The following UNC80 variants were observed in gnomAD, a reference collection of about 807,000 sequenced individuals.
The protein encoded by UNC80 is unc-80 subunit of NALCN channel complex.
A neutral mutation model predicts 384.6 loss-of-function variants in UNC80; 164 were observed. The ratio of observed to expected loss-of-function variants is 0.43; its 90% CI spans 0.38 to 0.49. UNC80 has a LOEUF of 0.49. Among genes scored for constraint, UNC80 ranks in the 20% least tolerant of loss-of-function variants. The pLI is 0.00. For synonymous variants in UNC80, 1,486 were observed against 1,527.8 expected (o/e 0.97, Z 0.64); for missense variants, 3,330 against 4,143.0 (o/e 0.80, Z 5.39).
intron 28 of UNC80, among the ~76,000 whole-genome samples, chr2:209,897,057 T>TC (rs1174668908): frequency 1.3e-5 from 2 of 152,064 alleles, no homozygotes; most frequent in African/African-American, 4.8e-5. Context: ...CCTGGAAAAG[T>TC]CAGATGAGCA....
At chr2:209,946,001 A>G (rs2091898423) in intron 47 of UNC80, 58 bp downstream of exon 47, 2 of 1,153,664 alleles carry the variant, frequency 1.7e-6, no homozygotes, top group Admixed American at 4.1e-5. Context: ...GAGAAAATAA[A>G]ATTGAATGAA....
At chr2:209,979,066 T>C (rs2093088179) in intron 59 of UNC80, among the ~76,000 whole-genome samples, 1 of 152,104 alleles carries the variant, frequency 6.6e-6, no homozygotes, top group South Asian at 2.1e-4. Context: ...CTGGCCAACA[T>C]GATGAAATCC....
rs192242889 is a variant in UNC80, at chr2:209,888,125, C to A, written c.4141C>A (p.Pro1381Thr). The change falls in exon 26 of 65, where the codon CCC becomes ACC. Residue 1381 changes from proline (P) to threonine (T), a missense_variant. Transcript: ENST00000673920. ...DLESCRLRLDPELDRHRYERK... is the reference protein window; with the variant it reads ...DLESCRLRLDTELDRHRYERK... ...GGAGAGCTGCAGACTTCGTTTGGAT[C>A]CCGAGTTGGACCGGCACAGATATGA... 6 of 1,551,674 alleles carry A rather than the reference C, an allele frequency of 3.9e-6. No individual in the cohort carries two copies. The South Asian group carries it at 7.1e-5, about 18-fold the overall frequency.
At chr2:209,797,904 T>C (rs2078270583) in intron 7 of UNC80, among the ~76,000 whole-genome samples, 1 of 152,276 alleles carries the variant, frequency 6.6e-6, no homozygotes, top group African/African-American at 2.4e-5. Flanking sequence ...ATTTCTTTGA[T>C]GATCAGTGAT....
intron 62 of UNC80, 53 bp from the exon 63 acceptor site, chr2:209,993,262 C>A: frequency 7.5e-7 from 1 of 1,341,878 alleles, no homozygotes; most frequent in Non-Finnish European, 1.0e-6. Context: ...GAAACAATTT[C>A]CTCCTAGGCA....
chr2:209,880,340 G>C (rs1384078435), intron 24 of UNC80, among the ~76,000 whole-genome samples: 1 of 152,166 alleles, frequency 6.6e-6, no homozygotes, highest in African/African-American at 2.4e-5. Context: ...TTCTAGTATA[G>C]CTATGCCTTA....
chr2:209,804,101 A>G (rs59373555), intron 7 of UNC80, among the ~76,000 whole-genome samples: 25,436 of 151,940 alleles, frequency 0.17, 3,244 homozygotes, highest in African/African-American at 0.36. Flanking sequence ...CTTCCTACTC[A>G]TCTATTACCT....
chr2:209,827,285 T>G (rs1485046013), intron 14 of UNC80, among the ~76,000 whole-genome samples: 1 of 152,030 alleles, frequency 6.6e-6, no homozygotes, highest in Non-Finnish European at 1.5e-5. Context: ...ATAAACCACA[T>G]CACTCCCCAT....
At chr2:209,898,000 T>C (rs2086971718) in intron 28 of UNC80, among the ~76,000 whole-genome samples, 1 of 152,160 alleles carries the variant, frequency 6.6e-6, no homozygotes, top group South Asian at 2.1e-4. Context: ...TATTCAAATT[T>C]ATCAGCAAAA....
intron 7 of UNC80, among the ~76,000 whole-genome samples, chr2:209,800,123 T>C (rs2078444100): frequency 6.6e-6 from 1 of 152,234 alleles, no homozygotes; most frequent in Non-Finnish European, 1.5e-5. Flanking sequence ...TTGTTTGGAA[T>C]AGTTTCAGAA....
At chr2:209,962,246 CT>C (rs2092616534) in intron 51 of UNC80, among the ~76,000 whole-genome samples, 1 of 152,004 alleles carries the variant, frequency 6.6e-6, no homozygotes, top group African/African-American at 2.4e-5. Context: ...AAAAAAGGTT[CT>C]GGTTTCAATG....
At chr2:209,964,567 T>C (rs897859875) in intron 51 of UNC80, among the ~76,000 whole-genome samples, 1 of 152,006 alleles carries the variant, frequency 6.6e-6, no homozygotes, top group Non-Finnish European at 1.5e-5. Context: ...GTTGGGCAGA[T>C]CACAAGGTCA....
At chr2:209,901,190 C>T (rs1312530390) in intron 28 of UNC80, among the ~76,000 whole-genome samples, 1 of 152,144 alleles carries the variant, frequency 6.6e-6, no homozygotes, top group Admixed American at 6.5e-5. Flanking sequence ...ACTTTCGTAG[C>T]TAGAGAGAAG....
intron 4 of UNC80, among the ~76,000 whole-genome samples, chr2:209,784,556 A>G (rs1208272276): frequency 6.6e-6 from 1 of 152,056 alleles, no homozygotes; most frequent in African/African-American, 2.4e-5. Flanking sequence ...ATCCTCTTTC[A>G]TGGAATACTT....
At chr2:209,944,105 T>A (rs2091790878) in intron 45 of UNC80, among the ~76,000 whole-genome samples, 1 of 152,224 alleles carries the variant, frequency 6.6e-6, no homozygotes. Flanking sequence ...ATGCATACCA[T>A]AAATAATATT....
In UNC80 at chr2:209,967,486, C is replaced by G; in HGVS notation, c.7855C>G (p.Gln2619Glu). 6.4e-7 allele frequency: 1 copy of G among 1,551,526 alleles called. No individual in the cohort carries two copies. Among genetic ancestry groups the G allele is most frequent in the South Asian group, 1.2e-5 (1 of 84,040 alleles). ...SLLKLAPYDT[Q>E]TMESRGLRRY... Reference sequence around the variant, plus strand: ...TCTGAAGCTGGCACCATATGACACTCAGACAATGGAGAGTCGTGGGCTTCG... The same window carrying G: ...TCTGAAGCTGGCACCATATGACACTGAGACAATGGAGAGTCGTGGGCTTCG... Residue 2619 changes from glutamine (Q) to glutamate (E), a missense_variant, in exon 52 of 65, where the codon CAG becomes GAG. Physicochemically the swap from Gln to Glu is conservative, Grantham distance 29. This residue lies in a region of UNC80 where 1,049 missense variants were observed against 1,488.6 expected (regional missense o/e 0.70). Coordinates refer to ENST00000673920, the MANE Select transcript of UNC80 (RefSeq NM_001371986.1).
chr2:209,793,866 G>C lies in UNC80; in HGVS notation c.938+7G>C, dbSNP rs2153825792. On this transcript the variant is annotated splice_region_variant and intron_variant, in intron 7 of 64. Coordinates refer to ENST00000673920, the MANE Select transcript of UNC80 (RefSeq NM_001371986.1). ...GAGGCCCATCACATTCCAGGTACCT[G>C]ATTGCAATGTTAGGGACAAAATGTG... is the stretch of plus-strand genomic sequence containing the variant. 2 of 1,613,690 alleles carry C rather than the reference G, an allele frequency of 1.2e-6. No individual in the cohort carries two copies. Among genetic ancestry groups the C allele is most frequent in the Middle Eastern group, 3.3e-4 (2 of 6,060 alleles).
intron 13 of UNC80, among the ~76,000 whole-genome samples, chr2:209,821,696 A>G (rs964998463): frequency 2.0e-5 from 3 of 152,206 alleles, no homozygotes; most frequent in African/African-American, 7.2e-5. Flanking sequence ...TGATTTCTTA[A>G]CATCAAGAAT....
chr2:209,883,426 CTTTTTT>C (rs35807077), intron 25 of UNC80, among the ~76,000 whole-genome samples: 48 of 100,532 alleles, frequency 4.8e-4, no homozygotes, highest in African/African-American at 1.6e-3. Flanking sequence ...CCATTCCACT[CTTTTTT>C]TTTTTTTTTT....
Sources: allele counts gnomAD v4.1 joint callset (sites outside exome capture counted in the v4.1 genomes callset), GRCh38; gene constraint gnomAD v4.1.1; regional missense constraint gnomAD v4.1.1; transcripts MANE v1.5; gene names NCBI Gene and HGNC (gene_info 2026-07-23, HGNC 2026-07-21).